Variants in SCN2A observed in about 807,000 individuals in gnomAD.
The protein encoded by SCN2A is sodium channel protein type 2 subunit alpha.
Under a neutral mutation model 188.7 loss-of-function variants are expected in SCN2A, and 20 were observed. The ratio of observed to expected loss-of-function variants is 0.11; its 90% CI spans 0.07 to 0.15. The LOEUF is 0.15. SCN2A is among the 10% of genes least tolerant of loss of function. SCN2A has a pLI of 1.00. For missense variants in SCN2A, 1,278 were observed against 2,445.0 expected, an observed-to-expected ratio of 0.52 and a Z score of 10.07; for synonymous variants, 804 against 833.1, an observed-to-expected ratio of 0.97 and a Z score of 0.60.
intron 1 of SCN2A, among the ~76,000 whole-genome samples, chr2:165,292,864 G>T (rs1210473379): frequency 6.6e-6 from 1 of 152,202 alleles, no homozygotes; most frequent in African/African-American, 2.4e-5. Flanking sequence ...GGGTTGTGTG[G>T]AGGATGAAAT....
Position 165,314,127 on chromosome 2 carries a change from C to A in SCN2A, c.1383+19C>A. ...AGCTCAGGTATAGTGAACAAGCATA[C>A]GGTCCTTTGTTTTTCTTTATCTAAA... On this transcript the variant is annotated intron_variant, in intron 10 of 26. Coordinates refer to ENST00000375437, the MANE Select transcript of SCN2A (RefSeq NM_001040142.2). 6.2e-7 allele frequency: 1 copy of A among 1,607,812 alleles called. No homozygotes were observed. The highest frequency in any genetic ancestry group is 8.5e-7 in the Non-Finnish European group (1 of 1,175,906).
At chr2:165,302,399 C>G (rs1365426646) in intron 3 of SCN2A, among the ~76,000 whole-genome samples, 1 of 152,080 alleles carries the variant, frequency 6.6e-6, no homozygotes, top group Non-Finnish European at 1.5e-5. Flanking sequence ...ATTAGAAAAC[C>G]TCTAACATCA....
In SCN2A at chr2:165,365,373, G is replaced by GTATCTATC. The variant is rs3835934; in HGVS notation, c.3520+129_3520+136dup. The GTATCTATC allele has an allele frequency of 4.5e-4, 383 of 857,716 alleles. 1 individual carries two copies. Among genetic ancestry groups the GTATCTATC allele is most frequent in the South Asian group, 9.6e-4 (66 of 68,624 alleles). 53.1% of individuals were successfully genotyped at this position (857,716 alleles called of 1,614,324 possible). On this transcript the variant is annotated intron_variant, in intron 18 of 26. Transcript: ENST00000375437. ...TCTACCATCTATTATCTATCTATCT[G>GTATCTATC]TATCTATCTATCTATCTATCTATCT...
intron 1 of SCN2A, among the ~76,000 whole-genome samples, chr2:165,290,080 T>C (rs1295487828): frequency 6.6e-6 from 1 of 152,168 alleles, no homozygotes. Context: ...TATTCCTGTT[T>C]CTTTATTTTT....
chr2:165,368,887 G>A (rs773887730), intron 19 of SCN2A, among the ~76,000 whole-genome samples: 25 of 152,074 alleles, frequency 1.6e-4, no homozygotes, highest in Non-Finnish European at 2.9e-4. Flanking sequence ...CATATACTCA[G>A]TTTAAAGAGG....
At chr2:165,259,067 C>T (rs749004025) in intron 1 of SCN2A, among the ~76,000 whole-genome samples, 3 of 152,096 alleles carry the variant, frequency 2.0e-5, no homozygotes, top group Non-Finnish European at 2.9e-5. Flanking sequence ...TCACATGTAC[C>T]TCTGAACCTA....
intron 1 of SCN2A, among the ~76,000 whole-genome samples, chr2:165,257,599 C>A (rs997613421): frequency 6.6e-6 from 1 of 151,942 alleles, no homozygotes; most frequent in African/African-American, 2.4e-5. Flanking sequence ...AGTGCAGCGG[C>A]GCGATCTTGG....
At chr2:165,303,599 C>T (rs1213152949) in intron 3 of SCN2A, among the ~76,000 whole-genome samples, 1 of 152,104 alleles carries the variant, frequency 6.6e-6, no homozygotes, top group African/African-American at 2.4e-5. Context: ...TTAAGATCAT[C>T]TGAAACTATT....
At chr2:165,385,178 C>G (rs554308636) in intron 25 of SCN2A, among the ~76,000 whole-genome samples, 7 of 152,044 alleles carry the variant, frequency 4.6e-5, no homozygotes, top group Non-Finnish European at 8.8e-5. Context: ...AGAAAGAGGG[C>G]AGAACACTAA....
chr2:165,381,379 A>G (rs1388071971), intron 25 of SCN2A, among the ~76,000 whole-genome samples, 182 bp downstream of exon 25: 1 of 151,870 alleles, frequency 6.6e-6, no homozygotes, highest in Non-Finnish European at 1.5e-5. Context: ...TGTATAAATT[A>G]TATAATGCAT....
intron 1 of SCN2A, chr2:165,290,840 C>T: frequency 1.1e-6 from 1 of 912,792 alleles, no homozygotes; most frequent in Non-Finnish European, 1.3e-6. Flanking sequence ...GGAAGATATA[C>T]CATATGTATA....
chr2:165,389,919 C>A lies in SCN2A; in HGVS notation c.*95C>A. 1 of 1,518,960 alleles carries A rather than the reference C, an allele frequency of 6.6e-7. No homozygotes were observed. The highest frequency in any genetic ancestry group is 1.3e-5 in the South Asian group (1 of 79,560). 94.1% of individuals were successfully genotyped at this position (1,518,960 alleles called of 1,614,324 possible). Reference sequence around the variant, plus strand: ...ACAGGACTCCCACAGGAGGTCTATGCCAAACTGACTGTTTTTACAAATGTA... The same window carrying A: ...ACAGGACTCCCACAGGAGGTCTATGACAAACTGACTGTTTTTACAAATGTA... On this transcript the variant is annotated 3_prime_UTR_variant, in exon 27 of 27. Coordinates refer to ENST00000375437, the MANE Select transcript of SCN2A (RefSeq NM_001040142.2). This position sits in a 1 kb window ranked among gnomAD's most constrained non-coding sequence, Gnocchi z 4.2.
At chr2:165,303,006 G>T (rs16850368) in intron 3 of SCN2A, among the ~76,000 whole-genome samples, 35,709 of 152,000 alleles carry the variant, frequency 0.23, 4,490 homozygotes, top group East Asian at 0.36. Context: ...ATTATAAAAG[G>T]TTTATCTGCC....
chr2:165,267,991 T>C (rs987222454), intron 1 of SCN2A: 1 of 152,016 alleles, frequency 6.6e-6, no homozygotes, highest in African/African-American at 2.4e-5. Flanking sequence ...TGTTGTACAC[T>C]GTTGGTGGGA....
chr2:165,356,835 T>A (rs1186070295), intron 17 of SCN2A, among the ~76,000 whole-genome samples: 1 of 152,206 alleles, frequency 6.6e-6, no homozygotes, highest in African/African-American at 2.4e-5. Flanking sequence ...AGTAGGGACA[T>A]CTCTTGTTTC....
intron 1 of SCN2A, chr2:165,271,009 A>T (rs1473643330): frequency 6.6e-6 from 1 of 152,034 alleles, no homozygotes; most frequent in Non-Finnish European, 1.5e-5. Context: ...TCTACCTTCT[A>T]AGATTGTTGT....
At chr2:165,288,366 A>G (rs533780851) in intron 1 of SCN2A, among the ~76,000 whole-genome samples, 1 of 151,270 alleles carries the variant, frequency 6.6e-6, no homozygotes. Context: ...CTTTATTAGC[A>G]ACTCATTTTT....
chr2:165,369,160 C>T (rs1700891987), intron 19 of SCN2A, among the ~76,000 whole-genome samples: 1 of 152,118 alleles, frequency 6.6e-6, no homozygotes, highest in Admixed American at 6.5e-5. Context: ...AACTCCTGGC[C>T]TCAAGAGATC....
intron 22 of SCN2A, among the ~76,000 whole-genome samples, chr2:165,376,895 C>A (rs73025963): frequency 0.013 from 1,919 of 151,908 alleles, 33 homozygotes; most frequent in African/African-American, 0.043. Context: ...CTCCTGGACA[C>A]AATCCACTTA....
Sources: gnomAD v4.1 joint callset for allele counts (sites outside exome capture counted in the v4.1 genomes callset) on GRCh38, gnomAD v4.1.1 for gene constraint, Gnocchi (gnomAD v3.1) non-coding constraint, MANE v1.5 for transcripts, NCBI Gene and HGNC (gene_info 2026-07-23, HGNC 2026-07-21) for gene names.